Variants in KIDINS220 observed in about 807,000 individuals in gnomAD.
The protein encoded by KIDINS220 is kinase D-interacting substrate of 220 kDa.
KIDINS220 carries 63 observed loss-of-function variants against 157.6 expected under a neutral mutation model. That is an observed-to-expected ratio of 0.40 (90% CI 0.33 to 0.49). The LOEUF is 0.49. KIDINS220 is among the 20% of genes least tolerant of loss of function. The probability of loss-of-function intolerance (pLI) is 0.66; values close to 1 mark genes in which losing one functional copy is unlikely to be tolerated. For synonymous variants in KIDINS220, 732 were observed against 783.6 expected, an observed-to-expected ratio of 0.93 and a Z score of 1.10; for missense variants, 1,772 against 2,171.2, an observed-to-expected ratio of 0.82 and a Z score of 3.65.
At chr2:8,796,581 G>C (rs772742631) in intron 11 of KIDINS220, among the ~76,000 whole-genome samples, 190 bp downstream of exon 11, 1 of 152,124 alleles carries the variant, frequency 6.6e-6, no homozygotes, top group African/African-American at 2.4e-5. Context: ...AAGCAGCTGC[G>C]TTAATAGCAC....
At chr2:8,816,734 A>G (rs937347544) in intron 4 of KIDINS220, among the ~76,000 whole-genome samples, 3 of 152,228 alleles carry the variant, frequency 2.0e-5, no homozygotes, top group Admixed American at 6.5e-5. Flanking sequence ...TGACATCATT[A>G]TCTTCTCTCC....
At chr2:8,740,678 T>C (rs986284745) in intron 26 of KIDINS220, among the ~76,000 whole-genome samples, 7 of 152,160 alleles carry the variant, frequency 4.6e-5, no homozygotes, top group African/African-American at 1.2e-4. Flanking sequence ...ATGTGGCACA[T>C]AATAGATGCA....
chr2:8,790,930 G>A, intron 13 of KIDINS220, 130 bp downstream of exon 13: 2 of 675,380 alleles, frequency 3.0e-6, no homozygotes, highest in East Asian at 2.9e-5. Context: ...CCAACCAGAG[G>A]GGAGTTCATC....
At chr2:8,785,022 A>G (rs1429805195) in intron 17 of KIDINS220, among the ~76,000 whole-genome samples, 1 of 152,252 alleles carries the variant, frequency 6.6e-6, no homozygotes, top group Non-Finnish European at 1.5e-5. Flanking sequence ...TCAGTAGATA[A>G]ATGTATAAAT....
chr2:8,733,872 C>G (rs1326290522), intron 28 of KIDINS220, among the ~76,000 whole-genome samples, 192 bp from the exon 29 acceptor site: 4 of 152,126 alleles, frequency 2.6e-5, no homozygotes, highest in African/African-American at 9.7e-5. Context: ...CTAAAGGAAG[C>G]AATGGTAGAA....
chr2:8,831,785 T>G (rs1679663002), intron 1 of KIDINS220, among the ~76,000 whole-genome samples: 1 of 152,214 alleles, frequency 6.6e-6, no homozygotes, highest in Non-Finnish European at 1.5e-5. Context: ...ACAGCCAGAC[T>G]TGGTGTTCTA....
At chr2:8,811,388 T>C (rs1048483253) in intron 6 of KIDINS220, among the ~76,000 whole-genome samples, 1 of 151,856 alleles carries the variant, frequency 6.6e-6, no homozygotes, top group Non-Finnish European at 1.5e-5. Context: ...AGGCAATAGG[T>C]TATGTGCCCT....
At chr2:8,804,329 T>A (rs933885343) in intron 7 of KIDINS220, among the ~76,000 whole-genome samples, 5 of 152,268 alleles carry the variant, frequency 3.3e-5, no homozygotes, top group African/African-American at 1.2e-4. Flanking sequence ...TCCACTCATG[T>A]AACATACTAA....
chr2:8,832,943 T>C (rs185940259), intron 1 of KIDINS220, among the ~76,000 whole-genome samples: 1 of 152,174 alleles, frequency 6.6e-6, no homozygotes, highest in Non-Finnish European at 1.5e-5. Context: ...TTATGGGGTA[T>C]GTGTAATATT....
At chr2:8,767,628 T>A (rs2148143519) in intron 22 of KIDINS220, among the ~76,000 whole-genome samples, 1 of 152,180 alleles carries the variant, frequency 6.6e-6, no homozygotes, top group South Asian at 2.1e-4. Context: ...GGAGAGCTGA[T>A]CATCACCCAG....
intron 17 of KIDINS220, among the ~76,000 whole-genome samples, chr2:8,781,153 A>ATATATATAAAATATAT (rs70946383): frequency 2.0e-4 from 26 of 130,394 alleles, no homozygotes; most frequent in Admixed American, 1.2e-3. Flanking sequence ...ATATATATAT[A>ATATATATAAAATATAT]ATATATATAT....
intron 22 of KIDINS220, among the ~76,000 whole-genome samples, chr2:8,768,982 C>T (rs1217445850): frequency 1.3e-5 from 2 of 152,148 alleles, no homozygotes; most frequent in African/African-American, 4.8e-5. Flanking sequence ...GCATTTAAGA[C>T]TTAAATATAC....
At chr2:8,727,089 A>G, downstream of KIDINS220, 1 of 1,015,906 alleles carries the variant, frequency 9.8e-7, no homozygotes. Context: ...TTTTCAATTC[A>G]GTTGCATAAT....
At chr2:8,739,909 A>G (rs1258909212) in intron 26 of KIDINS220, among the ~76,000 whole-genome samples, 1 of 152,260 alleles carries the variant, frequency 6.6e-6, no homozygotes, top group African/African-American at 2.4e-5. Context: ...TGAGGTAACT[A>G]TATCACTGTG....
chr2:8,751,670 G>A (rs754348758), intron 22 of KIDINS220, 26 bp from the exon 23 acceptor site: 8 of 1,476,162 alleles, frequency 5.4e-6, no homozygotes, highest in African/African-American at 2.8e-5. Context: ...CAATGAAAAA[G>A]GTTATTAATG....
intron 22 of KIDINS220, among the ~76,000 whole-genome samples, chr2:8,765,022 G>T (rs749893524): frequency 1.4e-5 from 2 of 145,474 alleles, no homozygotes; most frequent in South Asian, 2.1e-4. Flanking sequence ...CTCGAAGGAT[G>T]GGGGGGCTTG....
In KIDINS220 at chr2:8,731,001, T is replaced by C; in HGVS notation, c.5035A>G (p.Thr1679Ala). The stretch of plus-strand genomic sequence containing the variant: ...TTGTTCAGAGTCACGGTGCTGGGAG[T>C]TCGGTTCAGGTTGTAGGCTTTCTGG... The part of the protein sequence containing the change: ...ACQKAYNLNR[T>A]PSTVTLNNNS... The change falls in exon 30 of 30, where the codon ACT becomes GCT. Residue 1679 changes from threonine to alanine, a missense_variant. Thr to Ala is a moderately conservative substitution (Grantham distance 58, BLOSUM62 0). This residue lies in a region of KIDINS220 where 793 missense variants were observed against 885.5 expected (regional missense o/e 0.90). Coordinates refer to ENST00000256707, the MANE Select transcript of KIDINS220 (RefSeq NM_020738.4). The surrounding 1 kb of genome is among the most constrained non-coding windows in gnomAD (Gnocchi z 5.2). The C allele has an allele frequency of 6.2e-7, 1 of 1,614,104 alleles. No individual in the cohort carries two copies. The highest frequency in any genetic ancestry group is 8.5e-7 in the Non-Finnish European group (1 of 1,180,024).
At chr2:8,818,255 C>T (rs973965917) in intron 3 of KIDINS220, among the ~76,000 whole-genome samples, 3 of 151,944 alleles carry the variant, frequency 2.0e-5, no homozygotes, top group African/African-American at 7.2e-5. Context: ...AAAAGCAATT[C>T]CAAAAATACA....
intron 29 of KIDINS220, 42 bp downstream of exon 29, chr2:8,733,402 G>A: frequency 2.0e-6 from 3 of 1,488,700 alleles, no homozygotes; most frequent in Non-Finnish European, 2.8e-6. Context: ...TGAACGGTGT[G>A]CTTATTCTTC....
Sources: gnomAD v4.1 joint callset for allele counts (sites outside exome capture counted in the v4.1 genomes callset) on GRCh38, gnomAD v4.1.1 for gene constraint, gnomAD v4.1.1 regional missense constraint, Gnocchi (gnomAD v3.1) non-coding constraint, MANE v1.5 for transcripts, NCBI Gene and HGNC (gene_info 2026-07-23, HGNC 2026-07-21) for gene names.